The following MYT1L variants were observed in gnomAD, a reference collection of about 807,000 sequenced individuals.
MYT1L encodes the protein myelin transcription factor 1-like protein.
Under a neutral mutation model 126.7 loss-of-function variants are expected in MYT1L, and 12 were observed. That is an observed-to-expected ratio of 0.09 (90% CI 0.06 to 0.15). The LOEUF is 0.15. Among genes scored for constraint, MYT1L ranks in the 10% least tolerant of loss-of-function variants. The probability of loss-of-function intolerance (pLI) is 1.00; values close to 1 mark genes in which losing one functional copy is unlikely to be tolerated. For synonymous variants in MYT1L, 541 were observed against 604.2 expected (o/e 0.90, Z 1.53); for missense variants, 979 against 1,585.2 (o/e 0.62, Z 6.49).
rs964362583 is a variant in MYT1L at position 1,923,670 on chromosome 2, A to G, written c.506-407T>C. 2.0e-5 allele frequency among the ~76,000 whole-genome samples: 3 copies of G among 152,198 alleles called. No individual in the cohort carries two copies. In the East Asian group the frequency reaches 5.8e-4, roughly 29 times the overall value. On this transcript the variant is annotated intron_variant, in intron 9 of 24. Transcript: ENST00000647738. Reference sequence around the variant, plus strand: ...ACATTACTAGGCTTTCTAAGAGTTCATGAACTTTACTTGTTGCCAACTCTG... The same window carrying G: ...ACATTACTAGGCTTTCTAAGAGTTCGTGAACTTTACTTGTTGCCAACTCTG...
At chr2:2,125,958 C>A (rs2081629736) in intron 3 of MYT1L, among the ~76,000 whole-genome samples, 1 of 152,228 alleles carries the variant, frequency 6.6e-6, no homozygotes, top group Non-Finnish European at 1.5e-5. Context: ...TGTAGCTTCA[C>A]AGCATTTTCC....
At chr2:2,265,188 T>A (rs867859379) in intron 2 of MYT1L, among the ~76,000 whole-genome samples, 10 of 151,986 alleles carry the variant, frequency 6.6e-5, no homozygotes, top group Admixed American at 1.3e-4. Flanking sequence ...GCTAATTTTT[T>A]TGTAATTTTA....
intron 3 of MYT1L, among the ~76,000 whole-genome samples, chr2:2,149,031 G>GA (rs1317543320): frequency 6.6e-6 from 1 of 151,946 alleles, no homozygotes; most frequent in Non-Finnish European, 1.5e-5. Flanking sequence ...CACCAAGAGG[G>GA]AAAAATCCCA....
chr2:1,952,402 C>T (rs907747662), intron 8 of MYT1L, among the ~76,000 whole-genome samples: 12 of 152,082 alleles, frequency 7.9e-5, no homozygotes, highest in Non-Finnish European at 8.8e-5. Context: ...AGGTACCTCT[C>T]GGGCTTTGAC....
chr2:2,005,004 A>ATGCCTTCTTTCCTGCG (rs1326987645), intron 4 of MYT1L, among the ~76,000 whole-genome samples: 4 of 117,330 alleles, frequency 3.4e-5, no homozygotes, highest in East Asian at 2.8e-4. Context: ...TCTTTCCTGC[A>ATGCCTTCTTTCCTGCG]TGCCTTCTTT....
At chr2:1,862,893 G>A (rs2044887462) in intron 18 of MYT1L, among the ~76,000 whole-genome samples, 1 of 152,164 alleles carries the variant, frequency 6.6e-6, no homozygotes, top group Non-Finnish European at 1.5e-5. Flanking sequence ...GAAGATGGGA[G>A]AAGAAGGAGA....
At chr2:1,947,339 T>A (rs2057325995) in intron 8 of MYT1L, among the ~76,000 whole-genome samples, 2 of 152,146 alleles carry the variant, frequency 1.3e-5, no homozygotes, top group East Asian at 1.9e-4. Flanking sequence ...GAGTGGAGAT[T>A]TTCCTTAGAA....
chr2:1,939,063 T>C (rs1466282124), intron 9 of MYT1L, among the ~76,000 whole-genome samples: 1 of 152,180 alleles, frequency 6.6e-6, no homozygotes, highest in East Asian at 1.9e-4. Context: ...GCCTGAGACT[T>C]TCTCTCTACT....
intron 21 of MYT1L, among the ~76,000 whole-genome samples, chr2:1,812,448 A>G (rs374978677): frequency 1.8e-4 from 27 of 152,340 alleles, no homozygotes; most frequent in Admixed American, 5.2e-4. Flanking sequence ...CTGAAAGCAT[A>G]AAATGTCTGA....
intron 5 of MYT1L, among the ~76,000 whole-genome samples, chr2:1,990,812 A>G (rs1293837104): frequency 6.6e-6 from 1 of 152,128 alleles, no homozygotes; most frequent in Non-Finnish European, 1.5e-5. Context: ...CTCAGCGTCC[A>G]TTGCCACAAC....
chr2:1,867,978 T>C (rs1044132956), intron 18 of MYT1L, among the ~76,000 whole-genome samples: 14 of 106,788 alleles, frequency 1.3e-4, no homozygotes, highest in African/African-American at 5.3e-4. Flanking sequence ...CTTTTCTTTC[T>C]TTTTTTTTTG....
rs147680026 is a variant in MYT1L at position 2,139,268 on chromosome 2, T to C, written c.-304+33604A>G. On this transcript the variant is annotated intron_variant, in intron 3 of 24. Transcript: ENST00000647738. ...ACCTAAATTCAGCCATGAAATTTCATCTTCTTTATTTAAACTGTAGCTGCC... is the reference window on the plus strand; with the variant it reads ...ACCTAAATTCAGCCATGAAATTTCACCTTCTTTATTTAAACTGTAGCTGCC... Among the ~76,000 whole-genome samples, 47 of 152,258 alleles carry C rather than the reference T, an allele frequency of 3.1e-4. No homozygotes were observed. In the East Asian group the frequency reaches 5.8e-3, roughly 19 times the overall value.
At chr2:2,198,260 G>C (rs1234755751) in intron 2 of MYT1L, among the ~76,000 whole-genome samples, 3 of 152,086 alleles carry the variant, frequency 2.0e-5, no homozygotes, top group African/African-American at 7.2e-5. Flanking sequence ...CCAGAGACTA[G>C]GAAGGGGCAG....
At chr2:1,834,143 C>G (rs148646694) in intron 21 of MYT1L, among the ~76,000 whole-genome samples, 166 of 152,374 alleles carry the variant, frequency 1.1e-3, no homozygotes, top group African/African-American at 3.8e-3. Flanking sequence ...ACTTCTATTT[C>G]AATCTGTTCT....
intron 2 of MYT1L, among the ~76,000 whole-genome samples, chr2:2,200,043 C>A (rs577835731): frequency 1.3e-5 from 2 of 152,282 alleles, no homozygotes; most frequent in African/African-American, 2.4e-5. Flanking sequence ...ACACGCTGGG[C>A]CTTACGGTTT....
intron 1 of MYT1L, among the ~76,000 whole-genome samples, chr2:2,311,358 C>T (rs1357902025): frequency 1.3e-5 from 2 of 152,204 alleles, no homozygotes; most frequent in African/African-American, 2.4e-5. Context: ...GCTGAGCGGC[C>T]TGGATCAGGC....
In MYT1L at chr2:1,923,102, A is replaced by C; in HGVS notation, c.667T>G (p.Ser223Ala). The C allele has an allele frequency of 6.2e-7, 1 of 1,613,890 alleles. No homozygotes were observed. Among genetic ancestry groups the C allele is most frequent in the Non-Finnish European group, 8.5e-7 (1 of 1,179,886 alleles). The change falls in exon 10 of 25, where the codon TCA becomes GCA. Residue 223 changes from serine (S) to alanine (A), a missense_variant. Transcript: ENST00000647738. ...TTGGAGGTATTGCTGTTCATTTCTG[A>C]CTCAGTCCTGGCCCGGTAGGCTGCA... is the stretch of plus-strand genomic sequence containing the variant. ...EDAAYRARTE[S>A]EMNSNTSNSL...
intron 2 of MYT1L, among the ~76,000 whole-genome samples, chr2:2,267,606 G>A (rs1572984540): frequency 6.6e-6 from 1 of 152,210 alleles, no homozygotes; most frequent in African/African-American, 2.4e-5. Flanking sequence ...GGACAGGGAA[G>A]GCCGAGGTTG....
intron 2 of MYT1L, among the ~76,000 whole-genome samples, chr2:2,237,041 C>G (rs754863493): frequency 6.6e-6 from 1 of 151,976 alleles, no homozygotes; most frequent in Non-Finnish European, 1.5e-5. Flanking sequence ...CTCGAACTCC[C>G]GACCTCAGGT....
Sources: gnomAD v4.1 joint callset for allele counts (sites outside exome capture counted in the v4.1 genomes callset) on GRCh38, gnomAD v4.1.1 for gene constraint, MANE v1.5 for transcripts, NCBI Gene and HGNC (gene_info 2026-07-23, HGNC 2026-07-21) for gene names.